Variants in CAST observed in about 807,000 individuals in gnomAD.
The protein encoded by CAST is MIR583 host.
CAST carries 76 observed loss-of-function variants against 119.6 expected under a neutral mutation model. The ratio of observed to expected loss-of-function variants is 0.64; its 90% confidence interval spans 0.53 to 0.77. CAST has a LOEUF of 0.77. Ranked by LOEUF, CAST falls within the 30% of genes least tolerant of loss-of-function variation. The probability of loss-of-function intolerance (pLI) is 0.00; values close to 1 mark genes in which losing one functional copy is unlikely to be tolerated. For synonymous variants in CAST, 319 were observed against 331.6 expected (o/e 0.96, Z 0.41); for missense variants, 953 against 946.5 (o/e 1.01, Z -0.09).
At chr5:96,158,244 T>G in the CAST span, among the ~76,000 whole-genome samples, 1 of 152,192 alleles carries the variant, frequency 6.6e-6, no homozygotes, top group East Asian at 1.9e-4. Context: ...CAGTCATGGA[T>G]TTTTAATTTG....
chr5:96,591,436 C>A (rs549530879), intron 1 of CAST, among the ~76,000 whole-genome samples: 6 of 152,290 alleles, frequency 3.9e-5, no homozygotes, highest in African/African-American at 1.4e-4. Context: ...TGGTCTTTTT[C>A]TTTCGAGAAG....
At chr5:96,305,248 G>C in the CAST span, among the ~76,000 whole-genome samples, 1 of 152,116 alleles carries the variant, frequency 6.6e-6, no homozygotes, top group Non-Finnish European at 1.5e-5. Context: ...TTGGATCTCT[G>C]TCTCTTGTCT....
At chr5:96,305,733 C>T in the CAST span, among the ~76,000 whole-genome samples, 104 of 151,098 alleles carry the variant, frequency 6.9e-4, no homozygotes, top group African/African-American at 2.4e-3. Flanking sequence ...GTCATTGGTT[C>T]TGTTTATGTG....
At position 96,755,631 on chromosome 5, in the gene CAST, A is replaced by G. The variant is rs139843208; in HGVS notation, c.1710+890A>G. Among the ~76,000 whole-genome samples, 191 of 152,342 alleles carry G rather than the reference A, an allele frequency of 1.3e-3. 3 individuals carry two copies. Among genetic ancestry groups the G allele is most frequent in the African/African-American group, 4.2e-3 (176 of 41,582 alleles). On this transcript the variant is annotated intron_variant, in intron 22 of 31. Coordinates refer to ENST00000675179, the MANE Select transcript of CAST (RefSeq NM_001750.7). ...AGGCCAGGATTTGAAAGAGTATTCA[A>G]CTAAACTTCATTAACAATTCTAGAA...
intron 1 of CAST, among the ~76,000 whole-genome samples, chr5:96,608,969 C>T (rs558396251): frequency 2.0e-5 from 3 of 152,088 alleles, no homozygotes; most frequent in South Asian, 2.1e-4. Context: ...CCTCCAACAC[C>T]GGGGATTACA....
intron 1 of CAST, among the ~76,000 whole-genome samples, chr5:96,551,534 C>T (rs1012489275): frequency 2.6e-5 from 4 of 152,092 alleles, no homozygotes; most frequent in Admixed American, 2.6e-4. Flanking sequence ...AACCAGCTAG[C>T]ATCACAATGA....
At chr5:96,489,870 A>G in the CAST span, among the ~76,000 whole-genome samples, 1 of 152,234 alleles carries the variant, frequency 6.6e-6, no homozygotes, top group Non-Finnish European at 1.5e-5. Flanking sequence ...AGTACCACTT[A>G]GTCTAAGAAC....
chr5:96,730,951 G>A (rs993766804), intron 9 of CAST, 91 bp downstream of exon 9: 2 of 931,518 alleles, frequency 2.1e-6, no homozygotes, highest in African/African-American at 1.6e-5. Flanking sequence ...CTATCATCTG[G>A]CAAAACTGAA....
At chr5:96,721,428 A>G (rs1457286858) in intron 3 of CAST, among the ~76,000 whole-genome samples, 1 of 152,040 alleles carries the variant, frequency 6.6e-6, no homozygotes, top group African/African-American at 2.4e-5. Context: ...TCATACAATC[A>G]CCTTGAGTGG....
the CAST span, among the ~76,000 whole-genome samples, chr5:96,036,454 G>A: frequency 8.5e-5 from 13 of 152,064 alleles, 1 homozygote. Flanking sequence ...CTGAATCATT[G>A]TTAATTCATT....
At chr5:96,345,234 A>G in the CAST span, among the ~76,000 whole-genome samples, 2 of 152,154 alleles carry the variant, frequency 1.3e-5, no homozygotes, top group Admixed American at 6.5e-5. Context: ...TTCTCTTCCC[A>G]AAAGAGCTTC....
the CAST span, among the ~76,000 whole-genome samples, chr5:96,111,964 T>TTATTTTATGTAGTTTTAAAACTATATA: frequency 6.6e-6 from 1 of 151,824 alleles, no homozygotes; most frequent in East Asian, 1.9e-4. Flanking sequence ...TTTTTAAACT[T>TTATTTTATGTAGTTTTAAAACTATATA]TATTTTATGT....
At chr5:96,514,566 C>A in the CAST span, among the ~76,000 whole-genome samples, 1 of 152,140 alleles carries the variant, frequency 6.6e-6, no homozygotes, top group Admixed American at 6.5e-5. Context: ...CAAATTTAAT[C>A]ATTTCTGCAG....
chr5:96,721,485 T>A (rs1167156633), intron 3 of CAST, among the ~76,000 whole-genome samples: 16 of 152,090 alleles, frequency 1.1e-4, no homozygotes, highest in Admixed American at 1.0e-3. Context: ...AGGAATGGGC[T>A]CATGCTGCCC....
chr5:96,554,330 G>A (rs1444631157), intron 1 of CAST, among the ~76,000 whole-genome samples: 1 of 152,214 alleles, frequency 6.6e-6, no homozygotes, highest in Admixed American at 6.5e-5. Context: ...AATAAATGGT[G>A]TTGGGAAAAC....
intron 26 of CAST, among the ~76,000 whole-genome samples, chr5:96,765,844 T>G (rs1403566988): frequency 1.3e-5 from 2 of 152,212 alleles, no homozygotes; most frequent in African/African-American, 4.8e-5. Context: ...AGATATGAAT[T>G]GACATACAGA....
chr5:96,330,680 T>G, the CAST span, among the ~76,000 whole-genome samples: 1 of 152,318 alleles, frequency 6.6e-6, no homozygotes, highest in South Asian at 2.1e-4. Context: ...AATTTTCCCT[T>G]TAGTCAAAGC....
At chr5:96,202,427 G>T in the CAST span, among the ~76,000 whole-genome samples, 1 of 151,978 alleles carries the variant, frequency 6.6e-6, no homozygotes, top group Non-Finnish European at 1.5e-5. Flanking sequence ...ACATAATTGT[G>T]GAGGAAAGAG....
intron 1 of CAST, chr5:96,584,734 TAAACTC>T (rs1264441039): frequency 6.6e-6 from 1 of 152,198 alleles, no homozygotes; most frequent in African/African-American, 2.4e-5. Context: ...CTTTTCAAGT[TAAACTC>T]AAACTTCCCA....
Sources: gnomAD v4.1 joint callset for allele counts (sites outside exome capture counted in the v4.1 genomes callset) on GRCh38, gnomAD v4.1.1 for gene constraint, MANE v1.5 for transcripts, NCBI Gene and HGNC (gene_info 2026-07-23, HGNC 2026-07-21) for gene names.